The following PRMT3 variants were observed in gnomAD, a reference collection of about 807,000 sequenced individuals.
The protein encoded by PRMT3 is protein arginine N-methyltransferase 3.
A neutral mutation model predicts 71.9 loss-of-function variants in PRMT3; 62 were observed. The observed-to-expected ratio is 0.86, with a 90% CI of 0.70 to 1.07. PRMT3 has a LOEUF of 1.07. Ranked by LOEUF, PRMT3 falls within the 50% of genes least tolerant of loss-of-function variation. The probability of loss-of-function intolerance (pLI) is 0.00; values close to 1 mark genes in which losing one functional copy is unlikely to be tolerated. For missense variants in PRMT3, 663 were observed against 643.0 expected (o/e 1.03, Z -0.34); for synonymous variants, 213 against 220.4 (o/e 0.97, Z 0.30).
chr11:20,472,577 A>G (rs1590089775), intron 13 of PRMT3, among the ~76,000 whole-genome samples: 1 of 152,026 alleles, frequency 6.6e-6, no homozygotes, highest in East Asian at 1.9e-4. Context: ...GTTTGCCAAT[A>G]TTTTGTTGAG....
chr11:20,503,078 T>TA (rs35708444), intron 15 of PRMT3, among the ~76,000 whole-genome samples: 110,091 of 151,938 alleles, frequency 0.72, 41,436 homozygotes, highest in Non-Finnish European at 0.84. Flanking sequence ...AATTCAGACT[T>TA]AAAAAATACT....
intron 9 of PRMT3, among the ~76,000 whole-genome samples, chr11:20,413,767 T>G (rs1232986578): frequency 6.6e-6 from 1 of 152,192 alleles, no homozygotes; most frequent in Admixed American, 6.5e-5. Flanking sequence ...TACTCTGTAC[T>G]CACTTGCCTC....
chr11:20,408,112 T>G, intron 9 of PRMT3, 80 bp downstream of exon 9: 1 of 1,012,756 alleles, frequency 9.9e-7, no homozygotes, highest in Non-Finnish European at 1.4e-6. Context: ...CTTTAGTAGC[T>G]ATCTAAGGCA....
chr11:20,474,521 C>T (rs937471557), intron 13 of PRMT3, among the ~76,000 whole-genome samples: 2 of 152,184 alleles, frequency 1.3e-5, no homozygotes, highest in Admixed American at 6.5e-5. Flanking sequence ...TATGCCCCAG[C>T]GGCTGCTCTG....
At position 20,387,924 on chromosome 11, in the gene PRMT3, A is replaced by C. The variant is rs746843453; in HGVS notation, c.29-95A>C. On this transcript the variant is annotated intron_variant, in intron 1 of 15. Transcript: ENST00000331079. This position sits in a 1 kb window ranked among gnomAD's most constrained non-coding sequence, Gnocchi z 4.3. The stretch of plus-strand genomic sequence containing the variant: ...AGGTGCTGAGTGAGGGCCGCGGGCG[A>C]ACGGGGCGGAGGAGAGCCCATCGTC... 4 of 1,587,350 alleles carry C rather than the reference A, an allele frequency of 2.5e-6. No homozygotes were observed. The highest frequency in any genetic ancestry group is 1.1e-5 in the South Asian group (1 of 88,836).
intron 7 of PRMT3, among the ~76,000 whole-genome samples, chr11:20,402,409 G>A (rs1701645495): frequency 6.6e-6 from 1 of 152,068 alleles, no homozygotes; most frequent in South Asian, 2.1e-4. Context: ...GTGAGCCACT[G>A]AACCCAGCCT....
chr11:20,454,519 A>C (rs1207767108), intron 11 of PRMT3, among the ~76,000 whole-genome samples: 1 of 152,234 alleles, frequency 6.6e-6, no homozygotes, highest in Non-Finnish European at 1.5e-5. Flanking sequence ...AAGAGAGGTC[A>C]GCATTTAACT....
At chr11:20,500,279 A>G (rs1447888507) in intron 15 of PRMT3, among the ~76,000 whole-genome samples, 1 of 152,176 alleles carries the variant, frequency 6.6e-6, no homozygotes, top group Admixed American at 6.5e-5. Flanking sequence ...TAATGGAGAG[A>G]TATACTCTGA....
intron 8 of PRMT3, among the ~76,000 whole-genome samples, chr11:20,403,435 A>G (rs926012341): frequency 1.3e-5 from 2 of 152,130 alleles, no homozygotes; most frequent in African/African-American, 4.8e-5. Flanking sequence ...TTTAGTTTAT[A>G]TGCTTTATTT....
intron 10 of PRMT3, among the ~76,000 whole-genome samples, chr11:20,449,039 A>G (rs1043364248): frequency 2.6e-5 from 4 of 152,132 alleles, no homozygotes; most frequent in East Asian, 1.9e-4. Flanking sequence ...ACCAAGGACA[A>G]TTCCCAGGAA....
intron 10 of PRMT3, among the ~76,000 whole-genome samples, chr11:20,429,800 G>A (rs1307664515): frequency 6.6e-6 from 1 of 152,134 alleles, no homozygotes; most frequent in Non-Finnish European, 1.5e-5. Context: ...AGTCAGCTCT[G>A]GATGGCCTTA....
At chr11:20,491,809 G>T (rs755687965) in intron 13 of PRMT3, among the ~76,000 whole-genome samples, 10 of 152,086 alleles carry the variant, frequency 6.6e-5, no homozygotes, top group Non-Finnish European at 1.5e-5. Context: ...GTAATTTGGG[G>T]GTTAGGCTGA....
intron 12 of PRMT3, among the ~76,000 whole-genome samples, chr11:20,463,867 T>C (rs983741041): frequency 7.1e-6 from 1 of 141,592 alleles, no homozygotes; most frequent in African/African-American, 2.6e-5. Context: ...AATGGGAAAA[T>C]AAAGATATTT....
chr11:20,412,539 AT>A (rs368618098), intron 9 of PRMT3, among the ~76,000 whole-genome samples: 159 of 151,700 alleles, frequency 1.0e-3, no homozygotes, highest in East Asian at 8.4e-3. Context: ...ATTTTTCACG[AT>A]TTTTTTTATA....
chr11:20,410,719 T>G (rs1191823495), intron 9 of PRMT3, among the ~76,000 whole-genome samples: 1 of 152,080 alleles, frequency 6.6e-6, no homozygotes, highest in East Asian at 1.9e-4. Context: ...ATAGTCTTTG[T>G]TTTTAAAGTC....
chr11:20,467,429 C>CA (rs1850538334), intron 13 of PRMT3, among the ~76,000 whole-genome samples: 2 of 152,138 alleles, frequency 1.3e-5, no homozygotes, highest in East Asian at 1.9e-4. Context: ...TTTCCTGACC[C>CA]AAAAAACCTT....
In PRMT3 at chr11:20,452,131, G is replaced by C. The variant is rs1295099786; in HGVS notation, c.995G>C (p.Gly332Ala). 6.3e-7 allele frequency: 1 copy of C among 1,598,780 alleles called. No homozygotes were observed. The highest frequency in any genetic ancestry group is 1.7e-4 in the Middle Eastern group (1 of 5,764). The stretch of plus-strand genomic sequence containing the variant: ...TTTTTTTCCCCTTTTTTTATGCAGG[G>C]CTATTTTCTTCTGTTTGAGTCTATG... ...KVDVIISEWM[G>A]YFLLFESMLD... The change falls in exon 11 of 16, where the codon GGC becomes GCC. Residue 332 changes from glycine to alanine, a missense_variant and splice_region_variant. By Grantham distance (60) the Gly-to-Ala change is moderately conservative (BLOSUM62 0). Coordinates refer to ENST00000331079, the MANE Select transcript of PRMT3 (RefSeq NM_005788.4).
At chr11:20,439,535 C>T (rs1590065129) in intron 10 of PRMT3, among the ~76,000 whole-genome samples, 1 of 152,190 alleles carries the variant, frequency 6.6e-6, no homozygotes, top group Admixed American at 6.5e-5. Context: ...CTAGTGGCTT[C>T]TAGTCAGCCC....
intron 15 of PRMT3, among the ~76,000 whole-genome samples, chr11:20,504,459 G>A (rs1273263196): frequency 1.3e-5 from 2 of 151,992 alleles, no homozygotes; most frequent in African/African-American, 4.8e-5. Flanking sequence ...CCTTTATATT[G>A]CCATATAAAT....
Sources: gnomAD v4.1 joint callset for allele counts (sites outside exome capture counted in the v4.1 genomes callset) on GRCh38, gnomAD v4.1.1 for gene constraint, Gnocchi (gnomAD v3.1) non-coding constraint, MANE v1.5 for transcripts, NCBI Gene and HGNC (gene_info 2026-07-23, HGNC 2026-07-21) for gene names.